MIER1: variants seen among roughly 807,000 people sequenced by gnomAD.
MIER1 encodes the protein MIER1 transcriptional regulator.
MIER1 carries 40 observed loss-of-function variants against 75.7 expected under a neutral mutation model. That is an observed-to-expected ratio of 0.53 (90% CI 0.41 to 0.69). The LOEUF (loss-of-function observed/expected upper bound fraction) is 0.69. MIER1 is among the 30% of genes least tolerant of loss of function. The pLI is 0.00. For synonymous variants in MIER1, 213 were observed against 223.4 expected (o/e 0.95, Z 0.42); for missense variants, 574 against 680.2 (o/e 0.84, Z 1.74).
At position 66,985,848 on chromosome 1, in the gene MIER1, T is replaced by G; in HGVS notation, c.*948T>G. On this transcript the variant is annotated 3_prime_UTR_variant, in exon 14 of 14. Transcript: ENST00000401041. Reference sequence around the variant, plus strand: ...TTTTTTTTTTTTTTTAAATTTCTACTTAAGGGCAAGTAATTTGAGAATTCT... The same window carrying G: ...TTTTTTTTTTTTTTTAAATTTCTACGTAAGGGCAAGTAATTTGAGAATTCT... 1 of 809,568 alleles carries G rather than the reference T, an allele frequency of 1.2e-6. No individual in the cohort carries two copies. Among genetic ancestry groups the G allele is most frequent in the Non-Finnish European group, 1.5e-6 (1 of 672,148 alleles). The allele number at this position is 809,568 out of a possible 1,614,324, so 50.1% of individuals were successfully genotyped here. A position where few individuals can be genotyped will look rare whatever the true frequency, so the allele number is the denominator to read the frequency against.
intron 4 of MIER1, chr1:66,946,839 T>C (rs1186984387): frequency 2.0e-6 from 2 of 985,008 alleles, no homozygotes; most frequent in Non-Finnish European, 2.4e-6. Context: ...TTCAATATAG[T>C]TTAACATTCC....
Position 66,963,161 on chromosome 1 carries a change from G to C in MIER1, c.772+1G>C. ...TGTAGATACAAAGAAAATGAAAAAG[G>C]TGGGTTATTAGTAAAGTTACGTAGC... On this transcript the variant is annotated splice_donor_variant, in intron 8 of 13. Transcript: ENST00000401041. LOFTEE classifies it high-confidence loss of function. 1 of 1,598,248 alleles carries C rather than the reference G, an allele frequency of 6.3e-7. No homozygotes were observed. The highest frequency in any genetic ancestry group is 8.6e-7 in the Non-Finnish European group (1 of 1,165,916).
rs1450120541 is a variant in MIER1 at position 66,981,909 on chromosome 1, A to G, written c.1360A>G (p.Asn454Asp). Residue 454 changes from asparagine (N) to aspartate (D), a missense_variant, in exon 13 of 14, where the codon AAT becomes GAT. Physicochemically the swap from Asn to Asp is conservative, Grantham distance 23 (BLOSUM62 1). Coordinates refer to ENST00000401041, the MANE Select transcript of MIER1 (RefSeq NM_001077700.3). ...AGAAGATGGCACTGTAAGCACTGCT[A>G]ATCAAAATGGTAAGCAACCAGAGAA... The part of the protein sequence containing the change: ...EKEDGTVSTA[N>D]QNGVSSNGPG... 6.2e-7 allele frequency: 1 copy of G among 1,613,748 alleles called. No individual in the cohort carries two copies. The highest frequency in any genetic ancestry group is 2.2e-5 in the East Asian group (1 of 44,876).
At chr1:66,975,162 C>T (rs896311727) in intron 11 of MIER1, among the ~76,000 whole-genome samples, 2 of 152,128 alleles carry the variant, frequency 1.3e-5, no homozygotes, top group African/African-American at 4.8e-5. Flanking sequence ...ATATTTACTT[C>T]AAGAGCAGAA....
chr1:66,950,344 A>G (rs1658630493), intron 4 of MIER1, among the ~76,000 whole-genome samples: 1 of 152,124 alleles, frequency 6.6e-6, no homozygotes. Flanking sequence ...CCTGGCCTCA[A>G]GTGATCTGCC....
At chr1:66,930,754 C>A (rs551425509) in intron 2 of MIER1, among the ~76,000 whole-genome samples, 4 of 152,098 alleles carry the variant, frequency 2.6e-5, no homozygotes, top group Non-Finnish European at 5.9e-5. Context: ...CTTCCTCTTG[C>A]GAAGTTTTTT....
At chr1:66,964,566 C>T (rs1184888055) in intron 8 of MIER1, among the ~76,000 whole-genome samples, 2 of 151,740 alleles carry the variant, frequency 1.3e-5, no homozygotes, top group African/African-American at 4.8e-5. Flanking sequence ...AGTTCTCCTG[C>T]CTCAGCCTCC....
chr1:66,980,506 T>C (rs962395772), intron 12 of MIER1, among the ~76,000 whole-genome samples: 1 of 152,200 alleles, frequency 6.6e-6, no homozygotes, highest in African/African-American at 2.4e-5. Context: ...GATGACCATA[T>C]AGGTTGAGAT....
chr1:66,946,294 G>C lies in MIER1; in HGVS notation c.338G>C (p.Arg113Thr), dbSNP rs1421640035. 6.2e-7 allele frequency: 1 copy of C among 1,603,706 alleles called. No individual in the cohort carries two copies. Among genetic ancestry groups the C allele is most frequent in the South Asian group, 1.1e-5 (1 of 88,936 alleles). The change falls in exon 4 of 14, where the codon AGG becomes ACG. Residue 113 changes from arginine to threonine, a missense_variant and splice_region_variant. Arg to Thr is a moderately conservative substitution (Grantham distance 71). Coordinates refer to ENST00000401041, the MANE Select transcript of MIER1 (RefSeq NM_001077700.3). Reference sequence around the variant, plus strand: ...AGCTCTGAAATAGAAGATCTTGCAAGGGTAAATAACATGTAGAGCTAGGGT... The same window carrying C: ...AGCTCTGAAATAGAAGATCTTGCAACGGTAAATAACATGTAGAGCTAGGGT... ...NFSSEIEDLA[R>T]EGDMPIHELL... is the part of the protein sequence containing the mutation.
At chr1:66,967,712 C>T (rs1009046936) in intron 8 of MIER1, among the ~76,000 whole-genome samples, 2 of 147,338 alleles carry the variant, frequency 1.4e-5, no homozygotes, top group South Asian at 4.3e-4. Context: ...TTATGGAGAT[C>T]TTTCACTTCT....
intron 1 of MIER1, chr1:66,925,664 C>G (rs931626192): frequency 2.0e-6 from 1 of 491,194 alleles, no homozygotes; most frequent in African/African-American, 2.1e-5. Context: ...GGACAGATGC[C>G]CGCCGCTCTT....
chr1:66,970,823 A>G lies in MIER1; in HGVS notation c.788A>G (p.Asp263Gly), dbSNP rs1182123318. 2 of 1,559,876 alleles carry G rather than the reference A, an allele frequency of 1.3e-6. No individual in the cohort carries two copies. The highest frequency in any genetic ancestry group is 1.7e-6 in the Non-Finnish European group (2 of 1,161,998). The change falls in exon 9 of 14, where the codon GAT becomes GGT. Residue 263 changes from aspartate (D) to glycine (G), a missense_variant. By Grantham distance (94) the Asp-to-Gly change is moderately conservative. Transcript: ENST00000401041. ...ACTAATTTAGTATATGAAAATGATG[A>G]TCAGCTCCTGTGGGACCCTGAGTAC... is the stretch of plus-strand genomic sequence containing the variant. The part of the protein sequence containing the change: ...KENEKVYEND[D>G]QLLWDPEYLP...
rs1651153024 is a variant in MIER1 at position 66,925,080 on chromosome 1, A to G, written c.52A>G (p.Ser18Gly). Residue 18 changes from serine (S) to glycine (G), a missense_variant, in exon 1 of 14, where the codon AGC (serine) becomes GGC (glycine). This residue lies in a region of MIER1 where 309 missense variants were observed against 352.8 expected (regional missense o/e 0.88). Transcript: ENST00000401041. ...CGGCAGCAGCGAAGGTGGCGGCGGC[A>G]GCAGCGGCAGCGGCTGTAAGTGCAG... Reference protein sequence around the residue: ...GGGSSEGGGGSSGSGYGVVAR... With the variant: ...GGGSSEGGGGGSGSGYGVVAR... The G allele has an allele frequency of 1.9e-6, 3 of 1,547,110 alleles. No homozygotes were observed. Among genetic ancestry groups the G allele is most frequent in the Admixed American group, 2.0e-5 (1 of 49,434 alleles).
In MIER1 at chr1:66,985,332, T is replaced by C; in HGVS notation, c.*432T>C. 2 of 985,530 alleles carry C rather than the reference T, an allele frequency of 2.0e-6. No individual in the cohort carries two copies. The highest frequency in any genetic ancestry group is 2.4e-6 in the Non-Finnish European group (2 of 829,884). 61.0% of individuals were successfully genotyped at this position (985,530 alleles called of 1,614,324 possible). ...CAAATTTCTGCTTAATACCAATTTC[T>C]CTGAGTTTCTTGAAATGTCTTTAAA... On this transcript the variant is annotated 3_prime_UTR_variant, in exon 14 of 14. Coordinates refer to ENST00000401041, the MANE Select transcript of MIER1 (RefSeq NM_001077700.3).
chr1:66,967,272 A>G (rs561494028), intron 8 of MIER1, among the ~76,000 whole-genome samples: 1 of 152,256 alleles, frequency 6.6e-6, no homozygotes, highest in Non-Finnish European at 1.5e-5. Context: ...ATCTTTTCCC[A>G]GTGTACATTC....
chr1:66,971,593 G>A (rs1219859805), intron 9 of MIER1, 62 bp from the exon 10 acceptor site: 2 of 836,466 alleles, frequency 2.4e-6, no homozygotes, highest in South Asian at 1.6e-5. Context: ...AAACTTTTAA[G>A]AAATTGTAGC....
intron 4 of MIER1, chr1:66,946,840 T>G (rs1362347858): frequency 1.0e-6 from 1 of 985,064 alleles, no homozygotes; most frequent in Admixed American, 6.1e-5. Flanking sequence ...TCAATATAGT[T>G]TAACATTCCC....
At chr1:66,974,835 T>C (rs1664380398) in intron 11 of MIER1, among the ~76,000 whole-genome samples, 1 of 152,152 alleles carries the variant, frequency 6.6e-6, no homozygotes, top group South Asian at 2.1e-4. Context: ...AAAGTTCAGA[T>C]CTTAATCATA....
At chr1:66,925,464 C>T in intron 1 of MIER1, 10 of 985,474 alleles carry the variant, frequency 1.0e-5, no homozygotes, top group Non-Finnish European at 1.1e-5. Context: ...GTGGCTCCGC[C>T]TCTTTCTCCT....
Sources: gnomAD v4.1 joint callset for allele counts (sites outside exome capture counted in the v4.1 genomes callset) on GRCh38, gnomAD v4.1.1 for gene constraint, gnomAD v4.1.1 regional missense constraint, MANE v1.5 for transcripts, NCBI Gene and HGNC (gene_info 2026-07-23, HGNC 2026-07-21) for gene names.